ABCB1: variants seen among roughly 807,000 people sequenced by gnomAD.
The protein encoded by ABCB1 is ATP-dependent translocase ABCB1.
Under a neutral mutation model 142.0 loss-of-function variants are expected in ABCB1, and 69 were observed. The observed-to-expected ratio is 0.49, with a 90% CI of 0.40 to 0.59. ABCB1 has a LOEUF of 0.59. Ranked by LOEUF, ABCB1 falls within the 20% of genes least tolerant of loss-of-function variation. ABCB1 has a pLI of 0.00. For missense variants in ABCB1, 1,326 were observed against 1,554.7 expected, an observed-to-expected ratio of 0.85 and a Z score of 2.47; for synonymous variants, 532 against 539.2, an observed-to-expected ratio of 0.99 and a Z score of 0.18.
chr7:87,515,185 T>C (rs771408090), intron 25 of ABCB1, 46 bp downstream of exon 25: 2 of 1,605,594 alleles, frequency 1.2e-6, no homozygotes, highest in East Asian at 2.2e-5. Context: ...TTCAGACATT[T>C]GGATGATGAA....
rs76293618 is a variant in ABCB1 at position 87,535,312 on chromosome 7, T to C, written c.2481+1146A>G. Among the ~76,000 whole-genome samples, 1,122 of 151,436 alleles carry C rather than the reference T, an allele frequency of 7.4e-3. 15 individuals carry two copies. Among genetic ancestry groups the C allele is most frequent in the African/African-American group, 0.026 (1,080 of 41,200 alleles). On this transcript the variant is annotated intron_variant, in intron 20 of 27. Coordinates refer to ENST00000622132, the MANE Select transcript of ABCB1 (RefSeq NM_001348946.2). ...TTATGACTCTTCTTTTCACTCACTTTATTCCAGCCACTCTGTCTTCTTTGC... is the reference window on the plus strand; with the variant it reads ...TTATGACTCTTCTTTTCACTCACTTCATTCCAGCCACTCTGTCTTCTTTGC...
At chr7:87,536,366 TG>T in intron 20 of ABCB1, 91 bp downstream of exon 20, 1 of 1,108,708 alleles carries the variant, frequency 9.0e-7, no homozygotes, top group Non-Finnish European at 1.4e-6. Flanking sequence ...TTCTTAATGA[TG>T]ATAACTAACA....
Position 87,707,968 on chromosome 7 carries a change from T to C in ABCB1, c.-331+5193A>G, listed in dbSNP as rs529837481. On this transcript the variant is annotated intron_variant, in intron 1 of 28. Coordinates refer to the ABCB1 transcript ENST00000265724. ...AAATCACAATTGAAATTGAAAAATA[T>C]TTGGAAAGTACTGATAATGAAAATA... Among the ~76,000 whole-genome samples, 8 of 152,018 alleles carry C rather than the reference T, an allele frequency of 5.3e-5. No homozygotes were observed. In the South Asian group the frequency reaches 1.7e-3, roughly 31 times the overall value.
chr7:87,707,423 C>T (rs1829702829), intron 1 of ABCB1, among the ~76,000 whole-genome samples: 1 of 151,996 alleles, frequency 6.6e-6, no homozygotes, highest in African/African-American at 2.4e-5. Context: ...CCTTTAATCC[C>T]AGCACTTTGG....
intron 3 of ABCB1, among the ~76,000 whole-genome samples, chr7:87,592,974 C>A (rs1819056106): frequency 6.7e-6 from 1 of 148,992 alleles, no homozygotes; most frequent in Non-Finnish European, 1.5e-5. Context: ...GTCACCCAGG[C>A]TAGAGTGCAG....
chr7:87,639,729 T>C (rs1822234847), intron 1 of ABCB1, among the ~76,000 whole-genome samples: 1 of 152,148 alleles, frequency 6.6e-6, no homozygotes, highest in African/African-American at 2.4e-5. Context: ...CTAATGTTAA[T>C]ATGATGTCTC....
chr7:87,561,018 C>T (rs1817542887), intron 8 of ABCB1, among the ~76,000 whole-genome samples: 1 of 152,122 alleles, frequency 6.6e-6, no homozygotes, highest in Admixed American at 6.5e-5. Context: ...AAATACATTT[C>T]AGTCTTTGGA....
chr7:87,545,027 C>T (rs1816710239), intron 15 of ABCB1, 28 bp from the exon 16 acceptor site: 5 of 1,601,474 alleles, frequency 3.1e-6, no homozygotes, highest in Non-Finnish European at 4.3e-6. Context: ...TATGCAAAAG[C>T]TCATTAGGCT....
chr7:87,697,877 C>G (rs1230122674), intron 1 of ABCB1, among the ~76,000 whole-genome samples: 1 of 152,086 alleles, frequency 6.6e-6, no homozygotes, highest in African/African-American at 2.4e-5. Flanking sequence ...CCACCGGACT[C>G]AAAGCCCATG....
chr7:87,696,791 G>C (rs762436392), intron 1 of ABCB1, among the ~76,000 whole-genome samples: 8 of 152,080 alleles, frequency 5.3e-5, no homozygotes, highest in African/African-American at 1.9e-4. Context: ...ATGATATGCC[G>C]TCCTGTCAAT....
At chr7:87,511,059 A>G (rs894171083) in intron 25 of ABCB1, among the ~76,000 whole-genome samples, 2 of 152,212 alleles carry the variant, frequency 1.3e-5, no homozygotes, top group African/African-American at 4.8e-5. Flanking sequence ...GGCAAATCTG[A>G]ATGATCTCAG....
At position 87,626,394 on chromosome 7, in the gene ABCB1, GTGTCATATGTATGTGTCATATA is replaced by G. The variant is rs1820542107; in HGVS notation, c.-330-25338_-330-25317del. ...TGTCATATGTATGTGTCATATATAT[GTGTCATATGTATGTGTCATATA>G]TATGTGTCATATGTATGTGTCATAT... is the stretch of plus-strand genomic sequence containing the variant. On this transcript the variant is annotated intron_variant, in intron 1 of 28. Transcript: ENST00000265724. 1.6e-4 allele frequency among the ~76,000 whole-genome samples: 4 copies of G among 25,284 alleles called. 2 individuals are homozygous for G. The highest frequency in any genetic ancestry group is 2.2e-4 in the Non-Finnish European group (4 of 18,156). 16.6% of individuals were successfully genotyped at this position (25,284 alleles called of 152,430 possible). A position where few individuals can be genotyped will look rare whatever the true frequency, so the allele number is the denominator to read the frequency against.
upstream of ABCB1, among the ~76,000 whole-genome samples, chr7:87,605,881 A>C (rs577099487): frequency 5.9e-5 from 9 of 152,214 alleles, no homozygotes; most frequent in Non-Finnish European, 1.3e-4. Flanking sequence ...GAGCCAAGAT[A>C]TGAATAAAAA....
intron 26 of ABCB1, among the ~76,000 whole-genome samples, chr7:87,507,239 C>A (rs1814788940): frequency 6.6e-6 from 1 of 152,090 alleles, no homozygotes; most frequent in African/African-American, 2.4e-5. Flanking sequence ...AGATTAGAGA[C>A]CAGGATTTGT....
chr7:87,566,380 GT>G (rs1414200558), intron 6 of ABCB1, 139 bp from the exon 7 acceptor site: 16 of 855,352 alleles, frequency 1.9e-5, no homozygotes, highest in Non-Finnish European at 2.6e-5. Flanking sequence ...CAGGGTAGAA[GT>G]TTCTACTAGG....
chr7:87,557,462 T>C (rs1817356452), intron 8 of ABCB1, among the ~76,000 whole-genome samples: 1 of 152,200 alleles, frequency 6.6e-6, no homozygotes, highest in Admixed American at 6.5e-5. Flanking sequence ...CAATTCTTGA[T>C]CTCCAAGCAA....
intron 1 of ABCB1, among the ~76,000 whole-genome samples, chr7:87,637,515 T>C (rs1006232468): frequency 2.6e-5 from 4 of 152,178 alleles, no homozygotes; most frequent in Non-Finnish European, 5.9e-5. Context: ...AAAACTGCCA[T>C]CTTTATGATA....
chr7:87,710,651 A>T, intron 1 of ABCB1: 1 of 1,559,106 alleles, frequency 6.4e-7, no homozygotes, highest in East Asian at 2.3e-5. Context: ...CTTCAAAACA[A>T]CCAGGTTTAA....
At chr7:87,637,875 T>A (rs933593440) in intron 1 of ABCB1, among the ~76,000 whole-genome samples, 3 of 152,104 alleles carry the variant, frequency 2.0e-5, no homozygotes, top group African/African-American at 7.2e-5. Context: ...TCTTCCTTTT[T>A]CAATCTTTAT....
Sources: allele counts gnomAD v4.1 joint callset (sites outside exome capture counted in the v4.1 genomes callset), GRCh38; gene constraint gnomAD v4.1.1; transcripts MANE v1.5; gene names NCBI Gene and HGNC (gene_info 2026-07-23, HGNC 2026-07-21).